The following ANKRD33B variants were observed in gnomAD, a reference collection of about 807,000 sequenced individuals.
ANKRD33B encodes the protein ankyrin repeat domain-containing protein 33B.
Under a neutral mutation model 21.5 loss-of-function variants are expected in ANKRD33B, and 6 were observed. That is an observed-to-expected ratio of 0.28 (90% CI 0.15 to 0.55). ANKRD33B has a LOEUF of 0.55. Ranked by LOEUF, ANKRD33B falls within the 20% of genes least tolerant of loss-of-function variation. The probability of loss-of-function intolerance (pLI) is 0.94; values close to 1 mark genes in which losing one functional copy is unlikely to be tolerated. For missense variants in ANKRD33B, 698 were observed against 747.2 expected (o/e 0.93, Z 0.77); for synonymous variants, 347 against 342.4 (o/e 1.01, Z -0.15).
At chr5:10,618,854 G>T (rs77981980) in intron 2 of ANKRD33B, among the ~76,000 whole-genome samples, 3,095 of 152,238 alleles carry the variant, frequency 0.02, 50 homozygotes, top group Middle Eastern at 0.037. Flanking sequence ...AAGTAGACAC[G>T]TGTAGAAGGT....
chr5:10,654,789 C>T lies in ANKRD33B; in HGVS notation c.*4676C>T, dbSNP rs891418538. The T allele has an allele frequency of 1.2e-4, 19 of 152,518 alleles. No individual in the cohort carries two copies. Among genetic ancestry groups the T allele is most frequent in the African/African-American group, 4.6e-4 (19 of 41,452 alleles). 9.4% of individuals were successfully genotyped at this position (152,518 alleles called of 1,614,324 possible). On this transcript the variant is annotated 3_prime_UTR_variant, in exon 4 of 4. Transcript: ENST00000296657. ...CCGCTCCCGGTCTGACGTTGGAGCA[C>T]GTGAACTAAGAGTGACAATTTTTTC...
Position 10,650,949 on chromosome 5 carries a change from C to A in ANKRD33B, c.*836C>A, listed in dbSNP as rs376818850. The A allele has an allele frequency of 6.6e-6, 1 of 152,178 alleles. No homozygotes were observed. The highest frequency in any genetic ancestry group is 6.5e-5 in the Admixed American group (1 of 15,274). 9.4% of individuals were successfully genotyped at this position (152,178 alleles called of 1,614,324 possible). On this transcript the variant is annotated 3_prime_UTR_variant, in exon 4 of 4. Coordinates refer to ENST00000296657, the MANE Select transcript of ANKRD33B (RefSeq NM_001164440.2). ...TAGATATGAGAAAAAAACTGTCATT[C>A]GATAAAATGAGGCAAATTTAATAAT...
intron 1 of ANKRD33B, among the ~76,000 whole-genome samples, chr5:10,565,595 G>T (rs973064452): frequency 1.3e-5 from 2 of 152,216 alleles, no homozygotes; most frequent in East Asian, 3.8e-4. Flanking sequence ...CTATCCTTTC[G>T]TTATGACCAG....
At chr5:10,588,415 T>G (rs1037057683) in intron 1 of ANKRD33B, among the ~76,000 whole-genome samples, 3 of 152,224 alleles carry the variant, frequency 2.0e-5, no homozygotes, top group Non-Finnish European at 4.4e-5. Context: ...GTTTGCAGAT[T>G]AGTAACAACA....
chr5:10,568,718 A>G (rs1056903210), intron 1 of ANKRD33B, among the ~76,000 whole-genome samples: 9 of 152,202 alleles, frequency 5.9e-5, no homozygotes, highest in African/African-American at 2.2e-4. Context: ...TATTTTTAGT[A>G]GAGACAGGGT....
intron 1 of ANKRD33B, among the ~76,000 whole-genome samples, chr5:10,608,197 A>C (rs990009): frequency 0.2 from 10,924 of 55,166 alleles, 464 homozygotes; most frequent in South Asian, 0.31. Context: ...AAAAAAATAC[A>C]AAAAAAAAAA....
chr5:10,636,579 T>G (rs1736871805), intron 2 of ANKRD33B, among the ~76,000 whole-genome samples: 1 of 152,234 alleles, frequency 6.6e-6, no homozygotes, highest in Non-Finnish European at 1.5e-5. Context: ...ATCGTGCTCC[T>G]GCACTCCAGT....
chr5:10,612,833 T>G (rs1736201062), intron 1 of ANKRD33B, among the ~76,000 whole-genome samples: 1 of 152,234 alleles, frequency 6.6e-6, no homozygotes, highest in Non-Finnish European at 1.5e-5. Flanking sequence ...ATCACACATG[T>G]GTTAGCAGGG....
In ANKRD33B at chr5:10,653,078, A is replaced by T; in HGVS notation, c.*2965A>T. ...AAGATTGGATTTTGAAACCTGCCAG[A>T]CCCAACTGAAAGAAGGGTCATTCCT... On this transcript the variant is annotated 3_prime_UTR_variant, in exon 4 of 4. Transcript: ENST00000296657. 1 of 175,740 alleles carries T rather than the reference A, an allele frequency of 5.7e-6. No individual in the cohort carries two copies. The highest frequency in any genetic ancestry group is 5.6e-5 in the Admixed American group (1 of 17,804). The allele number at this position is 175,740 out of a possible 1,614,324, so 10.9% of individuals were successfully genotyped here. A position where few individuals can be genotyped will look rare whatever the true frequency, so the allele number is the denominator to read the frequency against.
At chr5:10,606,755 G>T (rs1736054318) in intron 1 of ANKRD33B, among the ~76,000 whole-genome samples, 1 of 149,380 alleles carries the variant, frequency 6.7e-6, no homozygotes, top group African/African-American at 2.5e-5. Flanking sequence ...TTGAGGTGGA[G>T]TCTTGCTCTG....
chr5:10,607,971 T>C (rs1736086686), intron 1 of ANKRD33B, among the ~76,000 whole-genome samples: 1 of 152,204 alleles, frequency 6.6e-6, no homozygotes, highest in African/African-American at 2.4e-5. Flanking sequence ...TGTGGTCTGG[T>C]GTTTTGCACA....
At chr5:10,569,625 T>TAAAA (rs1735132523) in intron 1 of ANKRD33B, among the ~76,000 whole-genome samples, 2 of 151,734 alleles carry the variant, frequency 1.3e-5, no homozygotes, top group Middle Eastern at 3.4e-3. Flanking sequence ...AATAAATAAA[T>TAAAA]AGAGGCATGT....
At chr5:10,590,291 C>A (rs1047350589) in intron 1 of ANKRD33B, among the ~76,000 whole-genome samples, 26 of 152,192 alleles carry the variant, frequency 1.7e-4, no homozygotes, top group Non-Finnish European at 2.5e-4. Flanking sequence ...ATTGAAGTAG[C>A]ACTAGATTGT....
At chr5:10,639,039 C>T (rs1209335845) in intron 3 of ANKRD33B, among the ~76,000 whole-genome samples, 1 of 41,344 alleles carries the variant, frequency 2.4e-5, no homozygotes, top group African/African-American at 1.6e-4. Context: ...GCGATGTTAG[C>T]GGGTGACGCG....
chr5:10,637,025 T>C (rs1049609882), intron 2 of ANKRD33B, among the ~76,000 whole-genome samples: 2 of 152,186 alleles, frequency 1.3e-5, no homozygotes, highest in African/African-American at 2.4e-5. Context: ...CCAAGAGTCA[T>C]GCGGCCCCCT....
At chr5:10,565,188 C>T (rs781213372) in intron 1 of ANKRD33B, among the ~76,000 whole-genome samples, 1 of 152,218 alleles carries the variant, frequency 6.6e-6, no homozygotes, top group Non-Finnish European at 1.5e-5. Context: ...GCGGCCCGGT[C>T]CCCTCCTGAC....
At chr5:10,641,225 C>CTTCTTCTTTT (rs1553995125) in intron 3 of ANKRD33B, among the ~76,000 whole-genome samples, 1 of 77,448 alleles carries the variant, frequency 1.3e-5, no homozygotes. Flanking sequence ...TCTTCTTCTT[C>CTTCTTCTTTT]TTTTTTTTTT....
chr5:10,628,906 G>A (rs1332322087), intron 2 of ANKRD33B, among the ~76,000 whole-genome samples: 4 of 152,154 alleles, frequency 2.6e-5, no homozygotes, highest in Non-Finnish European at 4.4e-5. Flanking sequence ...AAAAAGAGGA[G>A]GCAGAATATT....
chr5:10,587,494 C>A (rs187914789), intron 1 of ANKRD33B, among the ~76,000 whole-genome samples: 1 of 150,510 alleles, frequency 6.6e-6, no homozygotes, highest in South Asian at 2.1e-4. Context: ...TTCTTTTACT[C>A]GGACAACATT....
Sources: gnomAD v4.1 joint callset for allele counts (sites outside exome capture counted in the v4.1 genomes callset) on GRCh38, gnomAD v4.1.1 for gene constraint, MANE v1.5 for transcripts, NCBI Gene and HGNC (gene_info 2026-07-23, HGNC 2026-07-21) for gene names.